The following CRISPLD1 variants were observed in gnomAD, a reference collection of about 807,000 sequenced individuals.
CRISPLD1 encodes cysteine-rich secretory protein LCCL domain-containing 1.
CRISPLD1 carries 60 observed loss-of-function variants against 77.5 expected under a neutral mutation model. The ratio of observed to expected loss-of-function variants is 0.77; its 90% CI spans 0.63 to 0.96. The LOEUF (loss-of-function observed/expected upper bound fraction) is 0.96, where lower values mean the gene tolerates loss of function less well. Ranked by LOEUF, CRISPLD1 falls within the 40% of genes least tolerant of loss-of-function variation. The probability of loss-of-function intolerance (pLI) is 0.00; values close to 1 mark genes in which losing one functional copy is unlikely to be tolerated. For missense variants in CRISPLD1, 623 were observed against 615.8 expected, an observed-to-expected ratio of 1.01 and a Z score of -0.12; for synonymous variants, 195 against 200.1, an observed-to-expected ratio of 0.97 and a Z score of 0.22.
rs145830798 is a variant in CRISPLD1, at chr8:75,015,216, G to C, written c.727+304G>C. ...AGTCATCTTGATGTATGGTTGACTA[G>C]AGTTATTTCCATAACTGTCATCTTT... On this transcript the variant is annotated intron_variant, in intron 6 of 14. Transcript: ENST00000262207. Among the ~76,000 whole-genome samples, 3 of 152,112 alleles carry C rather than the reference G, an allele frequency of 2.0e-5. No individual in the cohort carries two copies. The East Asian group carries it at 5.8e-4, about 29-fold the overall frequency.
Position 75,017,042 on chromosome 8 carries a change from T to C in CRISPLD1, c.930-5T>C, listed in dbSNP as rs1217844355. 6.2e-7 allele frequency: 1 copy of C among 1,609,634 alleles called. No homozygotes were observed. Among genetic ancestry groups the C allele is most frequent in the South Asian group, 1.1e-5 (1 of 90,022 alleles). On this transcript the variant is annotated splice_polypyrimidine_tract_variant and splice_region_variant and intron_variant, in intron 8 of 14. Transcript: ENST00000262207. ...TAAATTTTGTGCCCAATTACTTTTA[T>C]TTAGGTACGAATGTCCTGCTGGCTG...
chr8:75,010,138 T>C (rs1812903193), intron 2 of CRISPLD1, among the ~76,000 whole-genome samples: 2 of 152,124 alleles, frequency 1.3e-5, no homozygotes, highest in Admixed American at 6.6e-5. Context: ...TTTGTATTTT[T>C]GCTAGAAAAT....
At chr8:75,005,019 A>G (rs1397256180) in intron 2 of CRISPLD1, among the ~76,000 whole-genome samples, 1 of 152,160 alleles carries the variant, frequency 6.6e-6, no homozygotes, top group African/African-American at 2.4e-5. Context: ...TATCAAAAAT[A>G]CTTCGAAGAA....
chr8:75,015,655 T>G (rs1813014756), intron 6 of CRISPLD1, among the ~76,000 whole-genome samples: 1 of 152,132 alleles, frequency 6.6e-6, no homozygotes. Flanking sequence ...CAGCCCTTTT[T>G]TAGTGCTCAT....
chr8:74,991,843 C>T (rs1812577918), intron 2 of CRISPLD1, among the ~76,000 whole-genome samples: 2 of 152,114 alleles, frequency 1.3e-5, no homozygotes, highest in African/African-American at 4.8e-5. Context: ...CTTACTTTTC[C>T]CTCCAAACTC....
At chr8:75,000,004 TTC>T in intron 2 of CRISPLD1, 2 of 286,662 alleles carry the variant, frequency 7.0e-6, no homozygotes, top group Non-Finnish European at 1.0e-5. Flanking sequence ...GAAGTAGAAT[TTC>T]AGTTGAGTAA....
Position 74,986,375 on chromosome 8 carries a change from T to A in CRISPLD1, c.258+130T>A, listed in dbSNP as rs192457800. On this transcript the variant is annotated intron_variant, in intron 2 of 14. Transcript: ENST00000262207. ...AAAAAGATTTTCTTTGAGGGTATTTTCCTCTGCATATTCGTTTATTAATGT... is the reference window on the plus strand; with the variant it reads ...AAAAAGATTTTCTTTGAGGGTATTTACCTCTGCATATTCGTTTATTAATGT... 60 of 930,420 alleles carry A rather than the reference T, an allele frequency of 6.4e-5. No homozygotes were observed. In the East Asian group the frequency reaches 1.4e-3, roughly 21 times the overall value. The allele number at this position is 930,420 out of a possible 1,614,324, so 57.6% of individuals were successfully genotyped here.
intron 2 of CRISPLD1, among the ~76,000 whole-genome samples, chr8:74,988,932 C>T (rs111421042): frequency 0.022 from 3,395 of 152,314 alleles, 126 homozygotes; most frequent in African/African-American, 0.077. Flanking sequence ...AAAATTTGCT[C>T]ATAAGCAAGG....
intron 2 of CRISPLD1, chr8:75,000,248 T>C (rs937140960): frequency 1.0e-6 from 1 of 984,998 alleles, no homozygotes; most frequent in African/African-American, 1.8e-5. Context: ...GTATCTGAAA[T>C]AGTGAATGAA....
At chr8:75,008,272 T>C (rs1812869460) in intron 2 of CRISPLD1, among the ~76,000 whole-genome samples, 2 of 152,108 alleles carry the variant, frequency 1.3e-5, no homozygotes, top group Admixed American at 6.6e-5. Flanking sequence ...GTGGCAATTG[T>C]AGTGTGGTTT....
intron 2 of CRISPLD1, among the ~76,000 whole-genome samples, chr8:75,009,890 A>T (rs992183437): frequency 6.6e-6 from 1 of 152,100 alleles, no homozygotes; most frequent in Non-Finnish European, 1.5e-5. Flanking sequence ...TATAATAAAC[A>T]TTATATATAA....
At chr8:75,000,853 T>C (rs1385021701) in intron 2 of CRISPLD1, among the ~76,000 whole-genome samples, 1 of 151,800 alleles carries the variant, frequency 6.6e-6, no homozygotes, top group African/African-American at 2.4e-5. Context: ...CAAAATGGGA[T>C]GAATGAAAAA....
chr8:75,007,722 G>C (rs971769929), intron 2 of CRISPLD1, among the ~76,000 whole-genome samples: 6 of 141,910 alleles, frequency 4.2e-5, no homozygotes, highest in South Asian at 2.3e-4. Context: ...GCCCAGGCTA[G>C]AGTGCAGTAG....
At chr8:75,018,780 TG>T (rs1344545430) in intron 10 of CRISPLD1, among the ~76,000 whole-genome samples, 6 of 151,000 alleles carry the variant, frequency 4.0e-5, no homozygotes, top group African/African-American at 9.8e-5. Context: ...TTAGTAGAGA[TG>T]GGGTTTCATC....
At chr8:75,008,335 T>G (rs572654262) in intron 2 of CRISPLD1, among the ~76,000 whole-genome samples, 140 of 152,266 alleles carry the variant, frequency 9.2e-4, no homozygotes, top group Non-Finnish European at 1.7e-3. Flanking sequence ...AAAGAAGCTC[T>G]TTGGGCCATC....
At chr8:74,996,053 T>C (rs981246825) in intron 2 of CRISPLD1, among the ~76,000 whole-genome samples, 3 of 148,370 alleles carry the variant, frequency 2.0e-5, no homozygotes, top group African/African-American at 7.4e-5. Flanking sequence ...TATATATATA[T>C]ATAAATACGC....
intron 2 of CRISPLD1, among the ~76,000 whole-genome samples, chr8:74,999,020 T>A (rs1812691195): frequency 1.3e-5 from 2 of 152,142 alleles, no homozygotes; most frequent in African/African-American, 4.8e-5. Flanking sequence ...TATTGCAGAT[T>A]GAATGCTAAG....
rs11994277 is a variant in CRISPLD1, at chr8:74,996,780, G to T, written c.258+10535G>T. The stretch of plus-strand genomic sequence containing the variant: ...GTCACCCAGGCTGTAGTGCAGTGGC[G>T]CAATGATGGCTCACTGCAGCATCAA... On this transcript the variant is annotated intron_variant, in intron 2 of 14. Coordinates refer to ENST00000262207, the MANE Select transcript of CRISPLD1 (RefSeq NM_031461.6). Among the ~76,000 whole-genome samples the T allele has an allele frequency of 4.8e-3, 650 of 136,426 alleles. 4 individuals are homozygous for T. Among genetic ancestry groups the T allele is most frequent in the African/African-American group, 0.017 (600 of 35,106 alleles). 89.5% of individuals were successfully genotyped at this position (136,426 alleles called of 152,430 possible).
In CRISPLD1 at chr8:75,012,434, C is replaced by T; in HGVS notation, c.260C>T (p.Thr87Ile). 6.3e-7 allele frequency: 1 copy of T among 1,599,890 alleles called. No individual in the cohort carries two copies. The highest frequency in any genetic ancestry group is 1.7e-4 in the Middle Eastern group (1 of 6,000). Residue 87 changes from threonine to isoleucine, a missense_variant and splice_region_variant, in exon 3 of 15, where the codon ACA becomes ATA. Thr to Ile is a moderately conservative substitution (Grantham distance 89, BLOSUM62 -1). Transcript: ENST00000262207. ...YPTASNMEYM[T>I]WDVELERSAE... ...TTTTGCTTTTGTTTTAAACTGTAGA[C>T]ATGGGATGTAGAGCTGGAAAGATCT...
Sources: allele counts gnomAD v4.1 joint callset (sites outside exome capture counted in the v4.1 genomes callset), GRCh38; gene constraint gnomAD v4.1.1; transcripts MANE v1.5; gene names NCBI Gene and HGNC (gene_info 2026-07-23, HGNC 2026-07-21).